SGCZ: variants seen among roughly 807,000 people sequenced by gnomAD.
SGCZ encodes the protein sarcoglycan zeta.
SGCZ carries 40 observed loss-of-function variants against 41.3 expected under a neutral mutation model. The observed-to-expected ratio is 0.97, with a 90% CI of 0.75 to 1.26. The LOEUF (loss-of-function observed/expected upper bound fraction) is 1.26. Ranked by LOEUF, SGCZ falls within the 50% of genes most tolerant of loss-of-function variation. The pLI is 0.00. For synonymous variants in SGCZ, 206 were observed against 137.5 expected (o/e 1.50, Z -3.49); for missense variants, 552 against 369.8 (o/e 1.49, Z -4.04).
At chr8:14,760,909 C>G (rs1799849839) in intron 1 of SGCZ, among the ~76,000 whole-genome samples, 1 of 152,094 alleles carries the variant, frequency 6.6e-6, no homozygotes, top group Non-Finnish European at 1.5e-5. Context: ...AGTTAACTGG[C>G]AAAGGTCTCA....
chr8:15,126,670 T>A (rs1447950732), intron 1 of SGCZ, among the ~76,000 whole-genome samples: 1 of 152,142 alleles, frequency 6.6e-6, no homozygotes, highest in African/African-American at 2.4e-5. Flanking sequence ...TGGGTAGAAA[T>A]TCACCAGGAC....
At chr8:14,809,404 TAGA>T (rs1287963248) in intron 1 of SGCZ, among the ~76,000 whole-genome samples, 1 of 152,072 alleles carries the variant, frequency 6.6e-6, no homozygotes, top group Non-Finnish European at 1.5e-5. Flanking sequence ...AAGACATTGA[TAGA>T]AGGATATGAA....
At chr8:14,422,605 G>C (rs1014243397) in intron 2 of SGCZ, among the ~76,000 whole-genome samples, 1 of 152,124 alleles carries the variant, frequency 6.6e-6, no homozygotes, top group African/African-American at 2.4e-5. Flanking sequence ...ACAATGCCTT[G>C]TATAAAAAAG....
intron 1 of SGCZ, among the ~76,000 whole-genome samples, chr8:14,840,045 AAAC>A (rs1438877360): frequency 6.6e-6 from 1 of 152,158 alleles, no homozygotes; most frequent in Non-Finnish European, 1.5e-5. Flanking sequence ...CGGAGAAACC[AAAC>A]AACACCCTTA....
At chr8:14,140,971 G>A (rs1302109983) in intron 5 of SGCZ, among the ~76,000 whole-genome samples, 1 of 152,086 alleles carries the variant, frequency 6.6e-6, no homozygotes, top group Admixed American at 6.6e-5. Context: ...TACCAAAACT[G>A]ATCTATAGAC....
intron 1 of SGCZ, among the ~76,000 whole-genome samples, chr8:14,680,802 A>G (rs1198321239): frequency 2.6e-5 from 4 of 151,928 alleles, no homozygotes; most frequent in Admixed American, 2.6e-4. Context: ...GTATTTAAAA[A>G]GACACAAATT....
In SGCZ at chr8:14,241,864, T is replaced by C. The variant is rs561905057; in HGVS notation, c.337-4185A>G. 1.6e-3 allele frequency among the ~76,000 whole-genome samples: 244 copies of C among 152,324 alleles called. 1 individual carries two copies. Among genetic ancestry groups the C allele is most frequent in the Non-Finnish European group, 3.2e-4 (22 of 68,026 alleles). ...ATAAAAATAATGAAATATGTTCTTC[T>C]CATTTTAATATTTTTTTCTGATAGG... On this transcript the variant is annotated intron_variant, in intron 3 of 7. Coordinates refer to ENST00000382080, the MANE Select transcript of SGCZ (RefSeq NM_139167.4).
At chr8:15,145,705 T>C (rs1799018082) in intron 1 of SGCZ, among the ~76,000 whole-genome samples, 1 of 152,166 alleles carries the variant, frequency 6.6e-6, no homozygotes, top group African/African-American at 2.4e-5. Flanking sequence ...TCATCCAACC[T>C]CAGGCTCCCA....
chr8:14,759,998 T>C (rs1183173097), intron 1 of SGCZ, among the ~76,000 whole-genome samples: 1 of 152,152 alleles, frequency 6.6e-6, no homozygotes. Flanking sequence ...AGCTATTGAG[T>C]GGTGTTTTAA....
chr8:14,873,862 C>T (rs143919875), intron 1 of SGCZ, among the ~76,000 whole-genome samples: 1 of 152,256 alleles, frequency 6.6e-6, no homozygotes, highest in Middle Eastern at 3.4e-3. Flanking sequence ...AGATTGATTT[C>T]TCTAAATTAT....
At chr8:14,556,254 T>C (rs1159132967) in intron 1 of SGCZ, among the ~76,000 whole-genome samples, 1 of 151,794 alleles carries the variant, frequency 6.6e-6, no homozygotes, top group Non-Finnish European at 1.5e-5. Context: ...CTTCAGTTTT[T>C]TCTCAGATTG....
chr8:14,453,263 A>T (rs73519306), intron 2 of SGCZ, among the ~76,000 whole-genome samples: 2 of 152,108 alleles, frequency 1.3e-5, no homozygotes, highest in African/African-American at 4.8e-5. Flanking sequence ...CTATGTCTGA[A>T]GCTCTGTCTA....
intron 1 of SGCZ, among the ~76,000 whole-genome samples, chr8:15,185,852 T>C (rs1430098194): frequency 1.3e-5 from 2 of 152,174 alleles, no homozygotes; most frequent in African/African-American, 4.8e-5. Flanking sequence ...CTTATGAATA[T>C]TTTAAACACA....
chr8:14,338,215 C>A (rs530573696), intron 2 of SGCZ, among the ~76,000 whole-genome samples: 1 of 152,288 alleles, frequency 6.6e-6, no homozygotes, highest in East Asian at 1.9e-4. Flanking sequence ...GAGAAAGGCT[C>A]AGACTCCTAA....
chr8:14,607,713 G>A (rs769835870), intron 1 of SGCZ, among the ~76,000 whole-genome samples: 16 of 152,128 alleles, frequency 1.1e-4, no homozygotes, highest in Non-Finnish European at 2.2e-4. Flanking sequence ...ACACAATCAA[G>A]AAAAGATAAA....
intron 1 of SGCZ, among the ~76,000 whole-genome samples, chr8:15,158,274 A>C (rs1799397041): frequency 6.6e-6 from 1 of 151,532 alleles, no homozygotes; most frequent in African/African-American, 2.4e-5. Flanking sequence ...TCCGTTATCC[A>C]TTTTTCCCAG....
At chr8:14,303,572 A>G (rs1016195799) in intron 3 of SGCZ, among the ~76,000 whole-genome samples, 5 of 152,140 alleles carry the variant, frequency 3.3e-5, no homozygotes, top group Non-Finnish European at 7.4e-5. Flanking sequence ...TACAAATGCC[A>G]AACTAAAATT....
At chr8:14,617,760 T>C (rs1386747383) in intron 1 of SGCZ, among the ~76,000 whole-genome samples, 1 of 151,984 alleles carries the variant, frequency 6.6e-6, no homozygotes, top group Non-Finnish European at 1.5e-5. Flanking sequence ...TAAAGTAGGG[T>C]GGGAATATTA....
chr8:14,808,067 T>G lies in SGCZ; in HGVS notation c.40-253141A>C, dbSNP rs546004089. ...AACTGGATCCCTTCCTTACACCTTA[T>G]ACAAAAATTAATTCAAGATGGATTA... On this transcript the variant is annotated intron_variant, in intron 1 of 7. Transcript: ENST00000382080. Among the ~76,000 whole-genome samples, 464 of 152,158 alleles carry G rather than the reference T, an allele frequency of 3.0e-3. 3 individuals are homozygous for G. Among genetic ancestry groups the G allele is most frequent in the African/African-American group, 0.011 (443 of 41,478 alleles).
Sources: allele counts gnomAD v4.1 joint callset (sites outside exome capture counted in the v4.1 genomes callset), GRCh38; gene constraint gnomAD v4.1.1; transcripts MANE v1.5; gene names NCBI Gene and HGNC (gene_info 2026-07-23, HGNC 2026-07-21).